The following SCHIP1 variants were observed in gnomAD, a reference collection of about 807,000 sequenced individuals.
The protein encoded by SCHIP1 is schwannomin-interacting protein 1.
SCHIP1 carries 8 observed loss-of-function variants against 29.7 expected under a neutral mutation model. The ratio of observed to expected loss-of-function variants is 0.27; its 90% CI spans 0.16 to 0.49. The LOEUF (loss-of-function observed/expected upper bound fraction) is 0.49. Among genes scored for constraint, SCHIP1 ranks in the 20% least tolerant of loss-of-function variants. SCHIP1 has a pLI of 0.99. For missense variants in SCHIP1, 193 were observed against 294.6 expected (o/e 0.66, Z 2.52); for synonymous variants, 76 against 94.9 (o/e 0.80, Z 1.16).
At chr3:159,888,387 G>A (rs1056174990) in intron 4 of SCHIP1, 1 of 202,112 alleles carries the variant, frequency 4.9e-6, no homozygotes, top group South Asian at 9.9e-5. Flanking sequence ...TATAAAATGG[G>A]GATGATAATG....
At chr3:159,316,453 AC>A in the SCHIP1 span, among the ~76,000 whole-genome samples, 15 of 152,232 alleles carry the variant, frequency 9.9e-5, no homozygotes, top group African/African-American at 3.4e-4. Context: ...CACCAGATTA[AC>A]AGTAGATCTG....
chr3:159,680,045 C>T, the SCHIP1 span, among the ~76,000 whole-genome samples: 1 of 149,240 alleles, frequency 6.7e-6, no homozygotes, highest in Admixed American at 6.7e-5. Context: ...TCGGTACTTC[C>T]CACCGAGAAA....
chr3:159,339,450 A>G, the SCHIP1 span, among the ~76,000 whole-genome samples: 1 of 152,134 alleles, frequency 6.6e-6, no homozygotes, highest in Non-Finnish European at 1.5e-5. Context: ...TTCTCTTCAG[A>G]ACCACTTTTA....
the SCHIP1 span, among the ~76,000 whole-genome samples, chr3:159,572,087 T>A: frequency 6.6e-6 from 1 of 152,178 alleles, no homozygotes; most frequent in Admixed American, 6.5e-5. Flanking sequence ...GCTCCTGGAT[T>A]GATTTTTTTG....
chr3:159,470,830 T>TAA, the SCHIP1 span, among the ~76,000 whole-genome samples: 2 of 152,090 alleles, frequency 1.3e-5, no homozygotes, highest in Non-Finnish European at 2.9e-5. Context: ...TATATATATA[T>TAA]AATGACATGG....
chr3:159,824,970 A>C, the SCHIP1 span, among the ~76,000 whole-genome samples: 2 of 152,176 alleles, frequency 1.3e-5, no homozygotes, highest in African/African-American at 4.8e-5. Context: ...TGTCTTTCAA[A>C]AACCCAGTTT....
the SCHIP1 span, among the ~76,000 whole-genome samples, chr3:159,456,505 C>G: frequency 6.6e-6 from 1 of 152,190 alleles, no homozygotes; most frequent in Non-Finnish European, 1.5e-5. Context: ...CTGTACCTCA[C>G]TTTCTCTATC....
chr3:159,713,475 AT>A, the SCHIP1 span, among the ~76,000 whole-genome samples: 1 of 152,234 alleles, frequency 6.6e-6, no homozygotes, highest in East Asian at 1.9e-4. Context: ...TTACAAAGGT[AT>A]TTATTATTAC....
At chr3:159,635,871 A>G in the SCHIP1 span, among the ~76,000 whole-genome samples, 8 of 152,218 alleles carry the variant, frequency 5.3e-5, no homozygotes, top group East Asian at 1.5e-3. Flanking sequence ...TTTTCTTGAT[A>G]AAAGTTATCA....
At chr3:159,491,427 G>A in the SCHIP1 span, among the ~76,000 whole-genome samples, 1 of 152,204 alleles carries the variant, frequency 6.6e-6, no homozygotes, top group Admixed American at 6.5e-5. Flanking sequence ...TTTTCCAACG[G>A]GTTTAACAAA....
chr3:159,851,339 T>C (rs531852099), intron 1 of SCHIP1, among the ~76,000 whole-genome samples: 1 of 152,294 alleles, frequency 6.6e-6, no homozygotes, highest in South Asian at 2.1e-4. Context: ...CACAATTATT[T>C]CTTACAGAGG....
intron 2 of SCHIP1, among the ~76,000 whole-genome samples, chr3:159,880,216 T>C (rs1716297023): frequency 6.6e-6 from 1 of 152,164 alleles, no homozygotes; most frequent in South Asian, 2.1e-4. Flanking sequence ...AAACTACCCA[T>C]AACTTCTCTG....
chr3:159,491,414 C>G, the SCHIP1 span, among the ~76,000 whole-genome samples: 1 of 152,164 alleles, frequency 6.6e-6, no homozygotes, highest in Non-Finnish European at 1.5e-5. Context: ...CCTAATACTG[C>G]GCTTTTCCAA....
the SCHIP1 span, among the ~76,000 whole-genome samples, chr3:159,791,943 C>T: frequency 2.0e-5 from 3 of 151,970 alleles, no homozygotes; most frequent in Non-Finnish European, 4.4e-5. Context: ...AATGGAATGC[C>T]GGGTAATATT....
At chr3:159,735,425 T>C in the SCHIP1 span, among the ~76,000 whole-genome samples, 2 of 152,020 alleles carry the variant, frequency 1.3e-5, no homozygotes, top group African/African-American at 4.8e-5. Context: ...GATGGGGATT[T>C]TACCATGTTG....
the SCHIP1 span, among the ~76,000 whole-genome samples, chr3:159,607,852 A>G: frequency 6.6e-6 from 1 of 152,212 alleles, no homozygotes; most frequent in African/African-American, 2.4e-5. Context: ...CAAGTTTGAC[A>G]TACATATAAA....
the SCHIP1 span, among the ~76,000 whole-genome samples, chr3:159,508,230 C>A: frequency 6.6e-6 from 1 of 152,156 alleles, no homozygotes; most frequent in South Asian, 2.1e-4. Context: ...TCCATTTCCT[C>A]TAGATTTTCT....
the SCHIP1 span, among the ~76,000 whole-genome samples, chr3:159,634,319 C>T: frequency 1.1e-4 from 16 of 151,680 alleles, 1 homozygote; most frequent in Middle Eastern, 3.4e-3. Context: ...TGTTTCATAC[C>T]GTAAAAATAA....
At chr3:159,715,546 G>T in the SCHIP1 span, among the ~76,000 whole-genome samples, 1 of 152,220 alleles carries the variant, frequency 6.6e-6, no homozygotes, top group Non-Finnish European at 1.5e-5. Context: ...ACAGCGTAGA[G>T]AAGACCTTAA....
Sources: gnomAD v4.1 joint callset for allele counts (sites outside exome capture counted in the v4.1 genomes callset) on GRCh38, gnomAD v4.1.1 for gene constraint, MANE v1.5 for transcripts, NCBI Gene and HGNC (gene_info 2026-07-23, HGNC 2026-07-21) for gene names.